Variants in C12orf42 observed in about 807,000 individuals in gnomAD.
The protein encoded by C12orf42 is uncharacterized protein C12orf42.
In C12orf42, 25 loss-of-function variants were observed where a neutral mutation model predicts 21.6. The ratio of observed to expected loss-of-function variants is 1.16; its 90% CI spans 0.84 to 1.62. C12orf42 has a LOEUF of 1.62. Ranked by LOEUF, C12orf42 falls within the 40% of genes most tolerant of loss-of-function variation. The pLI is 0.00. For missense variants in C12orf42, 483 were observed against 459.3 expected, an observed-to-expected ratio of 1.05 and a Z score of -0.47; for synonymous variants, 174 against 175.0, an observed-to-expected ratio of 0.99 and a Z score of 0.05.
chr12:103,520,198 C>A, the C12orf42 span, among the ~76,000 whole-genome samples: 1 of 152,122 alleles, frequency 6.6e-6, no homozygotes, highest in African/African-American at 2.4e-5. Flanking sequence ...CTACCCACAA[C>A]TCCTGGGCAC....
the C12orf42 span, among the ~76,000 whole-genome samples, chr12:103,089,859 G>T: frequency 6.6e-6 from 1 of 152,126 alleles, no homozygotes; most frequent in Admixed American, 6.5e-5. Context: ...ACAAAACAGG[G>T]CCTGAAGGTG....
At chr12:103,066,773 C>A in the C12orf42 span, among the ~76,000 whole-genome samples, 1 of 152,148 alleles carries the variant, frequency 6.6e-6, no homozygotes, top group Admixed American at 6.6e-5. Flanking sequence ...AGTGGATGGA[C>A]CTCTCTTGAG....
At chr12:103,112,918 A>G in the C12orf42 span, among the ~76,000 whole-genome samples, 3 of 151,908 alleles carry the variant, frequency 2.0e-5, no homozygotes, top group African/African-American at 7.3e-5. Context: ...ACTTCTAATC[A>G]CCTCACCGTT....
At chr12:103,161,953 C>T in the C12orf42 span, among the ~76,000 whole-genome samples, 1 of 152,202 alleles carries the variant, frequency 6.6e-6, no homozygotes, top group Non-Finnish European at 1.5e-5. Flanking sequence ...GTTTTCCCCT[C>T]TCGCACTCTC....
At chr12:103,197,154 T>G in the C12orf42 span, among the ~76,000 whole-genome samples, 3 of 152,226 alleles carry the variant, frequency 2.0e-5, no homozygotes, top group African/African-American at 7.2e-5. Context: ...AAAAAGATTT[T>G]ATTTCACTTT....
chr12:103,352,017 T>C (rs1459212352), intron 4 of C12orf42, among the ~76,000 whole-genome samples: 1 of 151,114 alleles, frequency 6.6e-6, no homozygotes, highest in Non-Finnish European at 1.5e-5. Flanking sequence ...CTCTCCACAA[T>C]CCTCCCCTGC....
At chr12:103,287,076 A>T (rs936459005) in intron 4 of C12orf42, among the ~76,000 whole-genome samples, 5 of 152,200 alleles carry the variant, frequency 3.3e-5, no homozygotes, top group African/African-American at 1.2e-4. Context: ...GAGGATGTGG[A>T]GAAATAGGAA....
chr12:103,217,605 ACAC>A, the C12orf42 span, among the ~76,000 whole-genome samples: 1 of 151,928 alleles, frequency 6.6e-6, no homozygotes, highest in Non-Finnish European at 1.5e-5. Context: ...TCACTCCAGA[ACAC>A]CGTACAGATC....
intron 2 of C12orf42, among the ~76,000 whole-genome samples, chr12:103,442,604 C>T (rs1334614554): frequency 6.6e-6 from 1 of 152,130 alleles, no homozygotes; most frequent in African/African-American, 2.4e-5. Flanking sequence ...TCTTTTATTC[C>T]CATCCTGATA....
the C12orf42 span, among the ~76,000 whole-genome samples, chr12:103,199,369 GA>G: frequency 1.3e-5 from 2 of 152,028 alleles, no homozygotes; most frequent in Non-Finnish European, 2.9e-5. Context: ...CATAATTCCT[GA>G]AAATAAGCAT....
chr12:103,405,006 T>C (rs1318556542), intron 2 of C12orf42, among the ~76,000 whole-genome samples: 1 of 152,224 alleles, frequency 6.6e-6, no homozygotes, highest in African/African-American at 2.4e-5. Context: ...GGCCACAATA[T>C]CTCAGTAGCA....
intron 4 of C12orf42, among the ~76,000 whole-genome samples, chr12:103,294,604 G>GAA (rs1194264246): frequency 2.4e-5 from 3 of 125,148 alleles, no homozygotes; most frequent in East Asian, 6.9e-4. Flanking sequence ...AAGAAAGAAA[G>GAA]AAAGAAAGAA....
chr12:103,507,273 T>TAA, the C12orf42 span, among the ~76,000 whole-genome samples: 1 of 49,826 alleles, frequency 2.0e-5, no homozygotes, highest in African/African-American at 1.5e-4. Flanking sequence ...AATATATATA[T>TAA]TATATATATT....
At chr12:103,539,708 T>C in the C12orf42 span, among the ~76,000 whole-genome samples, 1 of 151,648 alleles carries the variant, frequency 6.6e-6, no homozygotes, top group Admixed American at 6.6e-5. Flanking sequence ...GCCTCCTGAG[T>C]AGCTGGGATT....
the C12orf42 span, among the ~76,000 whole-genome samples, chr12:103,526,361 G>T: frequency 6.6e-6 from 1 of 152,148 alleles, no homozygotes; most frequent in African/African-American, 2.4e-5. Context: ...ATGTGATTTG[G>T]CAAAGTTTCT....
At chr12:103,250,800 C>A (rs1025380119) in intron 10 of C12orf42, among the ~76,000 whole-genome samples, 11 of 152,046 alleles carry the variant, frequency 7.2e-5, no homozygotes, top group African/African-American at 2.7e-4. Flanking sequence ...CCTTCACAAG[C>A]TTTTTCCCTC....
At chr12:103,330,745 A>G (rs1338234034) in intron 4 of C12orf42, among the ~76,000 whole-genome samples, 3 of 152,084 alleles carry the variant, frequency 2.0e-5, no homozygotes, top group South Asian at 2.1e-4. Flanking sequence ...ATAGTTCTCT[A>G]TGTTCTTACC....
chr12:103,169,421 T>C, the C12orf42 span, among the ~76,000 whole-genome samples: 1 of 148,058 alleles, frequency 6.8e-6, no homozygotes, highest in Admixed American at 6.7e-5. Flanking sequence ...ATTCTTAAAC[T>C]CAAAAAAAAA....
chr12:103,310,886 G>A (rs529437614), intron 4 of C12orf42, among the ~76,000 whole-genome samples: 7 of 152,212 alleles, frequency 4.6e-5, no homozygotes, highest in Admixed American at 4.6e-4. Context: ...TGGATCTCTT[G>A]ATCTTAAAGG....
Sources: gnomAD v4.1 joint callset for allele counts (sites outside exome capture counted in the v4.1 genomes callset) on GRCh38, gnomAD v4.1.1 for gene constraint, MANE v1.5 for transcripts, NCBI Gene and HGNC (gene_info 2026-07-23, HGNC 2026-07-21) for gene names.